MAF: variants seen among roughly 807,000 people sequenced by gnomAD.
MAF encodes the protein MAF bZIP transcription factor.
A neutral mutation model predicts 22.0 loss-of-function variants in MAF; 10 were observed. That is an observed-to-expected ratio of 0.45 (90% CI 0.28 to 0.77). The LOEUF is 0.77. Among genes scored for constraint, MAF ranks in the 30% least tolerant of loss-of-function variants. The pLI, the probability that MAF is intolerant of heterozygous loss-of-function variation, is 0.12. For missense variants in MAF, 544 were observed against 548.4 expected, an observed-to-expected ratio of 0.99 and a Z score of 0.08; for synonymous variants, 337 against 255.8, an observed-to-expected ratio of 1.32 and a Z score of -3.03.
the MAF span, among the ~76,000 whole-genome samples, chr16:79,293,612 T>C: frequency 6.6e-6 from 1 of 152,252 alleles, no homozygotes; most frequent in African/African-American, 2.4e-5. Context: ...CCACGACTTA[T>C]GTTCTTTGCA....
the MAF span, among the ~76,000 whole-genome samples, chr16:79,354,407 A>G: frequency 6.6e-6 from 1 of 152,150 alleles, no homozygotes; most frequent in Non-Finnish European, 1.5e-5. Flanking sequence ...GCAATTCACC[A>G]TTATGTGTGC....
the MAF span, among the ~76,000 whole-genome samples, chr16:79,500,904 GT>G: frequency 6.6e-6 from 1 of 152,146 alleles, no homozygotes; most frequent in South Asian, 2.1e-4. Flanking sequence ...TGCAAGCCCA[GT>G]TTCTCTGTTA....
chr16:79,394,845 C>G, the MAF span, among the ~76,000 whole-genome samples: 6 of 152,268 alleles, frequency 3.9e-5, no homozygotes, highest in South Asian at 1.0e-3. Flanking sequence ...GAACCACTGT[C>G]ATACAGTATT....
the MAF span, among the ~76,000 whole-genome samples, chr16:79,441,568 T>C: frequency 2.6e-5 from 4 of 152,154 alleles, no homozygotes; most frequent in African/African-American, 9.7e-5. Context: ...TTTTTACAGA[T>C]CAAAAAATAT....
the MAF span, among the ~76,000 whole-genome samples, chr16:79,407,952 C>G: frequency 1.3e-5 from 2 of 151,894 alleles, no homozygotes; most frequent in East Asian, 3.9e-4. Flanking sequence ...GAATGAGTAT[C>G]AAGGATCCTA....
the MAF span, among the ~76,000 whole-genome samples, chr16:79,413,529 G>A: frequency 1.1e-4 from 17 of 151,354 alleles, no homozygotes; most frequent in Admixed American, 4.6e-4. Flanking sequence ...CACCGCGCCC[G>A]GCCGAGCTGT....
At chr16:79,458,527 C>G in the MAF span, among the ~76,000 whole-genome samples, 2 of 152,162 alleles carry the variant, frequency 1.3e-5, no homozygotes, top group African/African-American at 4.8e-5. Flanking sequence ...CAGATGCCAA[C>G]TTGACTTAAC....
the MAF span, among the ~76,000 whole-genome samples, chr16:79,496,611 C>T: frequency 2.0e-5 from 3 of 152,248 alleles, no homozygotes; most frequent in Admixed American, 6.5e-5. Flanking sequence ...CTATATAAAT[C>T]GAGAATTCCA....
the MAF span, among the ~76,000 whole-genome samples, chr16:79,256,969 G>C: frequency 6.6e-6 from 1 of 152,122 alleles, no homozygotes; most frequent in African/African-American, 2.4e-5. Context: ...ACAAAGTCAG[G>C]AGTTTGAGAC....
At chr16:79,275,147 G>C in the MAF span, among the ~76,000 whole-genome samples, 3 of 152,134 alleles carry the variant, frequency 2.0e-5, no homozygotes, top group African/African-American at 7.2e-5. Context: ...CTTGAGATCA[G>C]GAGTCTGAGA....
At chr16:79,307,874 T>C in the MAF span, among the ~76,000 whole-genome samples, 1 of 152,194 alleles carries the variant, frequency 6.6e-6, no homozygotes, top group African/African-American at 2.4e-5. Flanking sequence ...AAGCTATTCC[T>C]AAAATCCCAA....
the MAF span, among the ~76,000 whole-genome samples, chr16:79,216,580 G>A: frequency 2.0e-5 from 3 of 152,114 alleles, no homozygotes; most frequent in African/African-American, 7.2e-5. Flanking sequence ...TGTGTTAAAT[G>A]CCTTTGTCCA....
chr16:79,321,702 G>A, the MAF span, among the ~76,000 whole-genome samples: 44 of 139,630 alleles, frequency 3.2e-4, no homozygotes, highest in South Asian at 1.4e-3. Context: ...CCAGGCTGGA[G>A]TGTAGTGGCA....
the MAF span, among the ~76,000 whole-genome samples, chr16:79,518,249 G>A: frequency 6.6e-6 from 1 of 152,212 alleles, no homozygotes; most frequent in Non-Finnish European, 1.5e-5. Context: ...CATGAACCTA[G>A]AACCTGTGCC....
the MAF span, among the ~76,000 whole-genome samples, chr16:79,533,557 G>A: frequency 3.9e-5 from 6 of 152,220 alleles, no homozygotes; most frequent in Admixed American, 3.3e-4. Context: ...CAGGGGGAGG[G>A]GGAATGGAAA....
At chr16:79,437,946 C>T in the MAF span, among the ~76,000 whole-genome samples, 1 of 152,170 alleles carries the variant, frequency 6.6e-6, no homozygotes, top group Non-Finnish European at 1.5e-5. Context: ...CTGGCCTGGG[C>T]TTCTAGGAGG....
At chr16:79,221,190 C>T in the MAF span, among the ~76,000 whole-genome samples, 2 of 152,126 alleles carry the variant, frequency 1.3e-5, no homozygotes, top group Non-Finnish European at 2.9e-5. Flanking sequence ...CAGAGCTTGC[C>T]CTTAAACTTG....
the MAF span, among the ~76,000 whole-genome samples, chr16:79,478,789 C>T: frequency 1.7e-4 from 26 of 151,180 alleles, no homozygotes; most frequent in South Asian, 4.2e-4. Context: ...TACCCGTATA[C>T]CATCCTACGA....
chr16:79,559,985 C>T, the MAF span, among the ~76,000 whole-genome samples: 1 of 152,164 alleles, frequency 6.6e-6, no homozygotes, highest in African/African-American at 2.4e-5. Context: ...TTCGCTGCAG[C>T]TGTGAACCTC....
Sources: gnomAD v4.1 joint callset for allele counts (sites outside exome capture counted in the v4.1 genomes callset) on GRCh38, gnomAD v4.1.1 for gene constraint, MANE v1.5 for transcripts, NCBI Gene and HGNC (gene_info 2026-07-23, HGNC 2026-07-21) for gene names.